CEP70: variants seen among roughly 807,000 people sequenced by gnomAD.
CEP70 encodes the protein centrosomal protein of 70 kDa.
A neutral mutation model predicts 90.9 loss-of-function variants in CEP70; 70 were observed. The ratio of observed to expected loss-of-function variants is 0.77; its 90% CI spans 0.64 to 0.94. CEP70 has a LOEUF of 0.94. CEP70 is among the 40% of genes least tolerant of loss of function. CEP70 has a pLI of 0.00. For missense variants in CEP70, 648 were observed against 669.0 expected (o/e 0.97, Z 0.35); for synonymous variants, 220 against 228.3 (o/e 0.96, Z 0.33).
At chr3:138,518,430 C>T (rs1229174275) in intron 11 of CEP70, among the ~76,000 whole-genome samples, 2 of 152,192 alleles carry the variant, frequency 1.3e-5, no homozygotes, top group Non-Finnish European at 2.9e-5. Context: ...GGAGGCACCT[C>T]CCAGTAGGGG....
rs138765895 is a variant in CEP70 at position 138,563,649 on chromosome 3, T to C, written c.465+6669A>G. On this transcript the variant is annotated intron_variant, in intron 6 of 17. Coordinates refer to ENST00000264982, the MANE Select transcript of CEP70 (RefSeq NM_024491.4). The stretch of plus-strand genomic sequence containing the variant: ...AAATAAAGATGTTCTTTGAAACCAA[T>C]GAGAACAAAGACACAATGTACCAGA... Among the ~76,000 whole-genome samples the C allele has an allele frequency of 6.8e-3, 1,040 of 152,154 alleles. 16 individuals are homozygous for C. The highest frequency in any genetic ancestry group is 0.024 in the African/African-American group (988 of 41,504).
chr3:138,563,679 C>G (rs2040574245), intron 6 of CEP70, among the ~76,000 whole-genome samples: 1 of 152,168 alleles, frequency 6.6e-6, no homozygotes, highest in Non-Finnish European at 1.5e-5. Context: ...ACCAGAATCT[C>G]TGGGACACAT....
intron 6 of CEP70, among the ~76,000 whole-genome samples, chr3:138,550,024 C>T (rs922394662): frequency 3.9e-5 from 6 of 152,126 alleles, no homozygotes; most frequent in Admixed American, 3.9e-4. Flanking sequence ...GATAGTATTA[C>T]ATCAAAGGAA....
Position 138,575,995 on chromosome 3 carries a change from A to T in CEP70, c.-5-3063T>A, listed in dbSNP as rs542862715. On this transcript the variant is annotated intron_variant, in intron 2 of 17. Coordinates refer to ENST00000264982, the MANE Select transcript of CEP70 (RefSeq NM_024491.4). Reference sequence around the variant, plus strand: ...ACAACCAGTACCAGCCACTGCAAAAACATGCCAAATTGTAAAGACCATCAA... The same window carrying T: ...ACAACCAGTACCAGCCACTGCAAAATCATGCCAAATTGTAAAGACCATCAA... Among the ~76,000 whole-genome samples, 3 of 152,304 alleles carry T rather than the reference A, an allele frequency of 2.0e-5. No individual in the cohort carries two copies. The South Asian group carries it at 6.2e-4, about 32-fold the overall frequency.
At chr3:138,569,296 G>C (rs2041003309) in intron 6 of CEP70, among the ~76,000 whole-genome samples, 1 of 152,106 alleles carries the variant, frequency 6.6e-6, no homozygotes, top group Non-Finnish European at 1.5e-5. Flanking sequence ...GATGAATACT[G>C]CTCCCTTTTA....
chr3:138,512,011 A>G (rs1311338886), intron 11 of CEP70, among the ~76,000 whole-genome samples: 1 of 152,200 alleles, frequency 6.6e-6, no homozygotes, highest in African/African-American at 2.4e-5. Flanking sequence ...TAAAAACAAT[A>G]ATTGGTGCCT....
intron 6 of CEP70, among the ~76,000 whole-genome samples, chr3:138,552,634 T>C (rs898043573): frequency 6.6e-6 from 1 of 151,994 alleles, no homozygotes; most frequent in Non-Finnish European, 1.5e-5. Flanking sequence ...CGAGAGATAA[T>C]AGTGACATAA....
intron 6 of CEP70, among the ~76,000 whole-genome samples, chr3:138,547,746 T>C (rs972277741): frequency 1.3e-5 from 2 of 152,156 alleles, no homozygotes; most frequent in Non-Finnish European, 2.9e-5. Flanking sequence ...AGCTACCAAG[T>C]GACTAATGGG....
intron 2 of CEP70, among the ~76,000 whole-genome samples, chr3:138,587,243 T>C (rs922121738): frequency 1.3e-5 from 2 of 151,612 alleles, no homozygotes; most frequent in Non-Finnish European, 2.9e-5. Context: ...GAGTAAAGAC[T>C]ACAGACAATG....
intron 10 of CEP70, among the ~76,000 whole-genome samples, chr3:138,526,956 T>C (rs2037312759): frequency 6.6e-6 from 1 of 152,158 alleles, no homozygotes; most frequent in Non-Finnish European, 1.5e-5. Flanking sequence ...ATTTGTCAAT[T>C]AGCAATTAAA....
At chr3:138,540,988 A>G (rs1302793570) in intron 6 of CEP70, among the ~76,000 whole-genome samples, 1 of 152,238 alleles carries the variant, frequency 6.6e-6, no homozygotes, top group African/African-American at 2.4e-5. Context: ...AAACTAATGC[A>G]GAACAGAAAA....
intron 6 of CEP70, among the ~76,000 whole-genome samples, chr3:138,544,628 T>C (rs1018269951): frequency 6.6e-6 from 1 of 152,136 alleles, no homozygotes; most frequent in African/African-American, 2.4e-5. Context: ...GCAGCACTAT[T>C]CACAACAGCC....
chr3:138,540,880 G>A (rs554539926), intron 6 of CEP70, among the ~76,000 whole-genome samples: 9 of 152,172 alleles, frequency 5.9e-5, no homozygotes, highest in African/African-American at 2.2e-4. Flanking sequence ...AAGAAAATGT[G>A]GTACATATAC....
chr3:138,500,667 C>T (rs2108666101), intron 14 of CEP70, 68 bp downstream of exon 14: 1 of 1,487,736 alleles, frequency 6.7e-7, no homozygotes, highest in Non-Finnish European at 9.0e-7. Flanking sequence ...GAACAAATAT[C>T]AATATCCACA....
At chr3:138,581,089 A>G (rs1257374654) in intron 2 of CEP70, among the ~76,000 whole-genome samples, 1 of 151,982 alleles carries the variant, frequency 6.6e-6, no homozygotes, top group East Asian at 1.9e-4. Context: ...GTTCGAGACC[A>G]GGCTGACCAA....
At position 138,543,021 on chromosome 3, in the gene CEP70, T is replaced by G. The variant is rs555592009; in HGVS notation, c.466-5674A>C. Among the ~76,000 whole-genome samples, 15 of 152,210 alleles carry G rather than the reference T, an allele frequency of 9.9e-5. No homozygotes were observed. In the East Asian group the frequency reaches 1.4e-3, roughly 14 times the overall value. Reference sequence around the variant, plus strand: ...GTGCTGACTGGTCCATGGACAGCCATGGGAAGGCCTGGAAAAAGCATCATC... The same window carrying G: ...GTGCTGACTGGTCCATGGACAGCCAGGGGAAGGCCTGGAAAAAGCATCATC... On this transcript the variant is annotated intron_variant, in intron 6 of 17. Transcript: ENST00000264982.
In CEP70 at chr3:138,514,468, C is replaced by T. The variant is rs186526610; in HGVS notation, c.945-5924G>A. Among the ~76,000 whole-genome samples the T allele has an allele frequency of 6.1e-4, 93 of 151,884 alleles. 1 individual carries two copies. The highest frequency in any genetic ancestry group is 1.5e-3 in the African/African-American group (63 of 41,446). On this transcript the variant is annotated intron_variant, in intron 11 of 17. Transcript: ENST00000264982. ...ATAAAACTGTTTCTTTTTTTTCCTA[C>T]GTTTGTAAAGAGAATTCACTGGATT... is the stretch of plus-strand genomic sequence containing the variant.
intron 17 of CEP70, chr3:138,497,678 T>G: frequency 1.0e-6 from 1 of 984,124 alleles, no homozygotes; most frequent in Non-Finnish European, 1.2e-6. Flanking sequence ...AGGTGGTATC[T>G]TAAGAAAAAA....
intron 7 of CEP70, chr3:138,536,970 T>A (rs1448948461): frequency 1.4e-5 from 5 of 346,652 alleles, no homozygotes; most frequent in Admixed American, 9.7e-5. Context: ...TTAGTAAATG[T>A]TCAATTCCAT....
Sources: allele counts gnomAD v4.1 joint callset (sites outside exome capture counted in the v4.1 genomes callset), GRCh38; gene constraint gnomAD v4.1.1; transcripts MANE v1.5; gene names NCBI Gene and HGNC (gene_info 2026-07-23, HGNC 2026-07-21).